The following WDR41 variants were observed in gnomAD, a reference collection of about 807,000 sequenced individuals.
WDR41 encodes WD repeat-containing protein 41.
In WDR41, 63 loss-of-function variants were observed where a neutral mutation model predicts 69.3. The ratio of observed to expected loss-of-function variants is 0.91; its 90% CI spans 0.74 to 1.12. The LOEUF is 1.12. WDR41 is among the 50% of genes most tolerant of loss of function. The pLI, the probability that WDR41 is intolerant of heterozygous loss-of-function variation, is 0.00. For synonymous variants in WDR41, 185 were observed against 192.1 expected (o/e 0.96, Z 0.31); for missense variants, 543 against 534.5 (o/e 1.02, Z -0.16).
intron 2 of WDR41, among the ~76,000 whole-genome samples, chr5:77,467,759 T>C (rs78979905): frequency 0.038 from 5,828 of 152,096 alleles, 121 homozygotes; most frequent in Middle Eastern, 0.1. Flanking sequence ...CTCTGTGAAA[T>C]AGATTGATTA....
At chr5:77,434,341 T>C (rs1273224069) in intron 12 of WDR41, among the ~76,000 whole-genome samples, 2 of 151,550 alleles carry the variant, frequency 1.3e-5, no homozygotes, top group African/African-American at 4.9e-5. Flanking sequence ...TTCTCTGAAA[T>C]GACATATACA....
intron 8 of WDR41, among the ~76,000 whole-genome samples, chr5:77,448,578 A>G (rs1245780156): frequency 6.6e-6 from 1 of 152,016 alleles, no homozygotes; most frequent in Non-Finnish European, 1.5e-5. Context: ...TACTGCTTAA[A>G]AACAAAGCCG....
At chr5:77,484,709 T>G (rs1318738780) in intron 2 of WDR41, among the ~76,000 whole-genome samples, 2 of 152,184 alleles carry the variant, frequency 1.3e-5, no homozygotes, top group East Asian at 3.8e-4. Flanking sequence ...AATGAGTATG[T>G]TCATGCAAGT....
chr5:77,495,804 A>AG (rs1801925324), upstream of WDR41, among the ~76,000 whole-genome samples: 1 of 100,634 alleles, frequency 9.9e-6, no homozygotes, highest in Non-Finnish European at 1.8e-5. Flanking sequence ...ACCAGAAAAA[A>AG]AATCACAAAA....
At chr5:77,515,710 A>T (rs556964850) in intron 1 of WDR41, among the ~76,000 whole-genome samples, 4 of 152,294 alleles carry the variant, frequency 2.6e-5, no homozygotes, top group Admixed American at 2.6e-4. Flanking sequence ...TTTCATCTCC[A>T]CTGTAATCTT....
intron 2 of WDR41, among the ~76,000 whole-genome samples, chr5:77,465,494 T>C (rs1800264398): frequency 6.6e-6 from 1 of 152,062 alleles, no homozygotes; most frequent in African/African-American, 2.4e-5. Context: ...ATTCTGAACA[T>C]AAACACTATC....
At chr5:77,505,444 C>T (rs1802090209) in intron 1 of WDR41, among the ~76,000 whole-genome samples, 2 of 152,144 alleles carry the variant, frequency 1.3e-5, no homozygotes, top group African/African-American at 4.8e-5. Flanking sequence ...TGAAAATGGC[C>T]ATACTGCCCG....
intron 2 of WDR41, among the ~76,000 whole-genome samples, chr5:77,475,232 G>A (rs1033807420): frequency 1.8e-4 from 28 of 152,184 alleles, no homozygotes; most frequent in African/African-American, 6.5e-4. Context: ...CAGCAGCCAG[G>A]CTGGGGGAGG....
chr5:77,464,760 C>T lies in WDR41; in HGVS notation c.216+1G>A, dbSNP rs1234259119. On this transcript the variant is annotated splice_donor_variant, in intron 3 of 12. Coordinates refer to ENST00000296679, the MANE Select transcript of WDR41 (RefSeq NM_018268.4). LOFTEE classifies it high-confidence loss of function. ...ACAATCCACACATAATCAATACACA[C>T]CTGGGCATTCCACACAACTACAATT... 2.5e-6 allele frequency: 4 copies of T among 1,613,646 alleles called. No individual in the cohort carries two copies. Among genetic ancestry groups the T allele is most frequent in the African/African-American group, 1.3e-5 (1 of 74,856 alleles).
At chr5:77,511,872 A>C (rs6453315) in intron 1 of WDR41, among the ~76,000 whole-genome samples, 95,150 of 151,358 alleles carry the variant, frequency 0.63, 31,533 homozygotes, top group African/African-American at 0.84. Context: ...CCGAGAGCCA[A>C]CCTAATTATT....
chr5:77,595,519 C>A (rs965492837), intron 1 of WDR41, among the ~76,000 whole-genome samples: 2 of 152,140 alleles, frequency 1.3e-5, no homozygotes, highest in Admixed American at 6.5e-5. Context: ...ACTTCACTGG[C>A]TATTGATTTA....
chr5:77,440,559 T>C (rs957096992), intron 9 of WDR41, among the ~76,000 whole-genome samples: 2 of 152,230 alleles, frequency 1.3e-5, no homozygotes, highest in African/African-American at 4.8e-5. Flanking sequence ...CCAATGGGAT[T>C]ATTTAATCCA....
At chr5:77,515,375 T>A (rs1802277780) in intron 1 of WDR41, among the ~76,000 whole-genome samples, 1 of 152,206 alleles carries the variant, frequency 6.6e-6, no homozygotes, top group Non-Finnish European at 1.5e-5. Context: ...TCTTGTCCCA[T>A]CAGGAGGTCT....
chr5:77,591,349 C>T (rs1029807892), intron 1 of WDR41, among the ~76,000 whole-genome samples: 2 of 152,044 alleles, frequency 1.3e-5, no homozygotes, highest in Admixed American at 1.3e-4. Context: ...TTTCAAAGAA[C>T]AACTTTTGGC....
At chr5:77,579,657 C>T (rs1743902029) in intron 1 of WDR41, among the ~76,000 whole-genome samples, 1 of 152,200 alleles carries the variant, frequency 6.6e-6, no homozygotes, top group South Asian at 2.1e-4. Flanking sequence ...AGCAGATCTT[C>T]CATACAAGAA....
At position 77,437,411 on chromosome 5, in the gene WDR41, A is replaced by C. The variant is rs1172385783; in HGVS notation, c.1018T>G (p.Cys340Gly). The C allele has an allele frequency of 6.2e-7, 1 of 1,613,772 alleles. No individual in the cohort carries two copies. The change falls in exon 11 of 13, where the codon TGC (cysteine) becomes GGC (glycine). Residue 340 changes from cysteine (C) to glycine (G), a missense_variant. By Grantham distance (159) the Cys-to-Gly change is radical (BLOSUM62 -3). Coordinates refer to ENST00000296679, the MANE Select transcript of WDR41 (RefSeq NM_018268.4). ...ATGCGTACACTGCCATCTTCTGAGC[A>C]TGAGATTAACTGCCTGTCAGAACAG... ...ARLPNRQLISCSEDGSVRIWE... is the reference protein window; with the variant it reads ...ARLPNRQLISGSEDGSVRIWE...
At chr5:77,559,970 G>GTGCTC (rs1743491597) in intron 1 of WDR41, among the ~76,000 whole-genome samples, 2 of 152,074 alleles carry the variant, frequency 1.3e-5, no homozygotes, top group African/African-American at 4.8e-5. Context: ...GTCAGTGTGT[G>GTGCTC]AGACACAAGG....
At chr5:77,597,520 A>G (rs1744248044) in intron 1 of WDR41, among the ~76,000 whole-genome samples, 1 of 152,186 alleles carries the variant, frequency 6.6e-6, no homozygotes, top group African/African-American at 2.4e-5. Context: ...AGTTCTGCCT[A>G]TAGCAGCAAA....
chr5:77,455,979 A>G (rs1286339453), intron 5 of WDR41, among the ~76,000 whole-genome samples: 2 of 117,014 alleles, frequency 1.7e-5, no homozygotes, highest in Admixed American at 9.8e-5. Flanking sequence ...AATTTCTCAA[A>G]AAAAAAACAA....
Sources: allele counts gnomAD v4.1 joint callset (sites outside exome capture counted in the v4.1 genomes callset), GRCh38; gene constraint gnomAD v4.1.1; transcripts MANE v1.5; gene names NCBI Gene and HGNC (gene_info 2026-07-23, HGNC 2026-07-21).